GFRA1: variants seen among roughly 807,000 people sequenced by gnomAD.
GFRA1 encodes the protein GDNF family receptor alpha-1.
A neutral mutation model predicts 51.6 loss-of-function variants in GFRA1; 16 were observed. The observed-to-expected ratio is 0.31, with a 90% CI of 0.21 to 0.47. The LOEUF is 0.47. Among genes scored for constraint, GFRA1 ranks in the 20% least tolerant of loss-of-function variants. The probability of loss-of-function intolerance (pLI) is 1.00; values close to 1 mark genes in which losing one functional copy is unlikely to be tolerated. For missense variants in GFRA1, 530 were observed against 594.3 expected (o/e 0.89, Z 1.13); for synonymous variants, 270 against 241.3 (o/e 1.12, Z -1.10).
At chr10:116,147,449 CT>C (rs1040660195) in intron 5 of GFRA1, among the ~76,000 whole-genome samples, 2 of 151,322 alleles carry the variant, frequency 1.3e-5, no homozygotes, top group African/African-American at 4.9e-5. Flanking sequence ...GTGATGAGTC[CT>C]TTTTTTTTCC....
chr10:116,116,439 C>A (rs1957415870), intron 6 of GFRA1, among the ~76,000 whole-genome samples: 2 of 152,234 alleles, frequency 1.3e-5, no homozygotes, highest in Admixed American at 1.3e-4. Flanking sequence ...AGCCAGATCC[C>A]TGATGTCCAC....
chr10:116,149,801 G>A (rs914888926), intron 5 of GFRA1, among the ~76,000 whole-genome samples: 3 of 152,128 alleles, frequency 2.0e-5, no homozygotes, highest in Admixed American at 2.0e-4. Flanking sequence ...GGATATGAGT[G>A]TGGCTTCCTA....
chr10:116,064,867 CCA>C (rs1955023848), intron 10 of GFRA1, among the ~76,000 whole-genome samples: 1 of 152,032 alleles, frequency 6.6e-6, no homozygotes, highest in African/African-American at 2.4e-5. Context: ...CTCCAGGGTT[CCA>C]CGTTGCACAG....
At chr10:116,111,780 C>T (rs1454179166) in intron 6 of GFRA1, among the ~76,000 whole-genome samples, 1 of 152,204 alleles carries the variant, frequency 6.6e-6, no homozygotes, top group Non-Finnish European at 1.5e-5. Context: ...AGGCCTCACC[C>T]TAGACCTCAT....
At chr10:116,164,162 A>G (rs1450414025) in intron 5 of GFRA1, among the ~76,000 whole-genome samples, 1 of 152,126 alleles carries the variant, frequency 6.6e-6, no homozygotes, top group Non-Finnish European at 1.5e-5. Context: ...CAAGCTGACA[A>G]GCCCACAGAC....
intron 6 of GFRA1, among the ~76,000 whole-genome samples, chr10:116,109,689 C>T (rs1427629882): frequency 6.6e-6 from 1 of 152,154 alleles, no homozygotes; most frequent in Non-Finnish European, 1.5e-5. Flanking sequence ...CCCAAGCAGC[C>T]TTCCTTCACC....
Position 116,094,581 on chromosome 10 carries a change from G to T in GFRA1, c.881-745C>A, listed in dbSNP as rs114990835. Among the ~76,000 whole-genome samples the T allele has an allele frequency of 1.0e-2, 1,515 of 152,228 alleles. 33 individuals are homozygous for T. The highest frequency in any genetic ancestry group is 0.035 in the African/African-American group (1,460 of 41,520). On this transcript the variant is annotated intron_variant, in intron 7 of 10. Coordinates refer to ENST00000355422, the MANE Select transcript of GFRA1 (RefSeq NM_005264.8). ...ATCCAAACCAAATGTCTTCTCCTGG[G>T]TGGCCGACACCAGGCAATGCCCGCT...
chr10:116,260,388 G>A (rs1181281239), intron 4 of GFRA1, among the ~76,000 whole-genome samples: 1 of 152,186 alleles, frequency 6.6e-6, no homozygotes, highest in Non-Finnish European at 1.5e-5. Flanking sequence ...ACAAGTGTAT[G>A]TATGCCTATG....
At position 116,071,410 on chromosome 10, in the gene GFRA1, T is replaced by G. The variant is rs141529031; in HGVS notation, c.1198-5784A>C. Reference sequence around the variant, plus strand: ...GCCAAATTTCATTAGTCTGGGCAGGTAGAGTCACAGGATGAGGGACCTGCA... The same window carrying G: ...GCCAAATTTCATTAGTCTGGGCAGGGAGAGTCACAGGATGAGGGACCTGCA... On this transcript the variant is annotated intron_variant, in intron 9 of 10. Coordinates refer to ENST00000355422, the MANE Select transcript of GFRA1 (RefSeq NM_005264.8). 3.8e-3 allele frequency among the ~76,000 whole-genome samples: 584 copies of G among 152,336 alleles called. 6 individuals carry two copies. The highest frequency in any genetic ancestry group is 0.013 in the African/African-American group (556 of 41,574).
chr10:116,072,134 T>C (rs889160366), intron 9 of GFRA1, among the ~76,000 whole-genome samples: 3 of 152,108 alleles, frequency 2.0e-5, no homozygotes, highest in African/African-American at 7.2e-5. Flanking sequence ...ATTGAAGCAA[T>C]TGTCCTTTTT....
chr10:116,209,986 A>G (rs1390030389), intron 5 of GFRA1, among the ~76,000 whole-genome samples: 1 of 152,174 alleles, frequency 6.6e-6, no homozygotes, highest in Non-Finnish European at 1.5e-5. Flanking sequence ...TGACACACAG[A>G]GCAACGGGTA....
intron 4 of GFRA1, among the ~76,000 whole-genome samples, chr10:116,247,261 G>A (rs1967943175): frequency 1.3e-5 from 2 of 152,060 alleles, no homozygotes. Flanking sequence ...TGACCTGTGG[G>A]TCCCTTGAAT....
intron 5 of GFRA1, among the ~76,000 whole-genome samples, chr10:116,206,897 C>G (rs4619067): frequency 0.61 from 92,615 of 151,734 alleles, 29,779 homozygotes; most frequent in African/African-American, 0.83. Context: ...CTCCCAAAGT[C>G]CTGGGATTAC....
intron 4 of GFRA1, among the ~76,000 whole-genome samples, chr10:116,254,722 AC>A (rs1431724551): frequency 2.0e-5 from 3 of 152,328 alleles, no homozygotes; most frequent in Admixed American, 6.5e-5. Context: ...ACTAAAGTGG[AC>A]GTCCACGGAC....
chr10:116,205,408 C>A (rs916203428), intron 5 of GFRA1, among the ~76,000 whole-genome samples: 10 of 151,776 alleles, frequency 6.6e-5, no homozygotes, highest in Non-Finnish European at 1.2e-4. Flanking sequence ...AACCCCATTT[C>A]TAGTAAAAAT....
At position 116,264,463 on chromosome 10, in the gene GFRA1, C is replaced by T. The variant is rs149940767; in HGVS notation, c.418+5040G>A. On this transcript the variant is annotated intron_variant, in intron 4 of 10. Coordinates refer to ENST00000355422, the MANE Select transcript of GFRA1 (RefSeq NM_005264.8). Reference sequence around the variant, plus strand: ...ACACCTGGCATAACAAGCAAGTCTCCGACTTTCCAGTGGGAAAAACAGACA... The same window carrying T: ...ACACCTGGCATAACAAGCAAGTCTCTGACTTTCCAGTGGGAAAAACAGACA... Among the ~76,000 whole-genome samples the T allele has an allele frequency of 2.2e-4, 34 of 152,288 alleles. No homozygotes were observed. In the East Asian group the frequency reaches 4.4e-3, roughly 20 times the overall value.
chr10:116,243,065 C>T (rs928845576), intron 4 of GFRA1, among the ~76,000 whole-genome samples: 10 of 152,114 alleles, frequency 6.6e-5, no homozygotes, highest in East Asian at 1.9e-4. Context: ...AAAATATTTA[C>T]GTCATTTCTT....
intron 6 of GFRA1, among the ~76,000 whole-genome samples, chr10:116,097,126 C>T (rs574712281): frequency 1.1e-5 from 1 of 93,428 alleles, no homozygotes; most frequent in East Asian, 3.0e-4. Flanking sequence ...TATGCTTCTC[C>T]ACACACTCAC....
intron 5 of GFRA1, among the ~76,000 whole-genome samples, chr10:116,185,092 G>T (rs1962578970): frequency 6.6e-6 from 1 of 152,150 alleles, no homozygotes; most frequent in African/African-American, 2.4e-5. Context: ...TTCTAGTGAA[G>T]GGCTGTAATT....
Sources: gnomAD v4.1 joint callset for allele counts (sites outside exome capture counted in the v4.1 genomes callset) on GRCh38, gnomAD v4.1.1 for gene constraint, MANE v1.5 for transcripts, NCBI Gene and HGNC (gene_info 2026-07-23, HGNC 2026-07-21) for gene names.